The following NCOA2 variants were observed in gnomAD, a reference collection of about 807,000 sequenced individuals.
NCOA2 encodes nuclear receptor coactivator 2.
NCOA2 carries 21 observed loss-of-function variants against 145.1 expected under a neutral mutation model. The ratio of observed to expected loss-of-function variants is 0.14; its 90% CI spans 0.10 to 0.21. The LOEUF (loss-of-function observed/expected upper bound fraction) is 0.21, where lower values mean the gene tolerates loss of function less well. Ranked by LOEUF, NCOA2 falls within the 10% of genes least tolerant of loss-of-function variation. The pLI, the probability that NCOA2 is intolerant of heterozygous loss-of-function variation, is 1.00. For synonymous variants in NCOA2, 619 were observed against 637.5 expected (o/e 0.97, Z 0.44); for missense variants, 1,472 against 1,837.6 (o/e 0.80, Z 3.64).
chr8:70,124,521 C>G (rs1413647096), intron 20 of NCOA2, among the ~76,000 whole-genome samples, 167 bp downstream of exon 20: 1 of 152,118 alleles, frequency 6.6e-6, no homozygotes, highest in Non-Finnish European at 1.5e-5. Context: ...GTACCACCGA[C>G]CAATTTATGA....
intron 1 of NCOA2, among the ~76,000 whole-genome samples, chr8:70,316,711 G>A (rs974843257): frequency 3.9e-5 from 6 of 152,184 alleles, no homozygotes; most frequent in Admixed American, 1.3e-4. Flanking sequence ...TCCTGAGCCA[G>A]TGTAATAAGG....
At position 70,113,506 on chromosome 8, in the gene NCOA2, T is replaced by C. The variant is rs1278161151; in HGVS notation, c.*126A>G. On this transcript the variant is annotated 3_prime_UTR_variant, in exon 23 of 23. Transcript: ENST00000452400. ...CCACCCTGGGAACCAGGGCCAGGCCTGTCTGCTCTAGCAGAACCGGCTGGC... is the reference window on the plus strand; with the variant it reads ...CCACCCTGGGAACCAGGGCCAGGCCCGTCTGCTCTAGCAGAACCGGCTGGC... The C allele has an allele frequency of 1.2e-5, 13 of 1,102,418 alleles. No individual in the cohort carries two copies. The East Asian group carries it at 3.4e-4, about 29-fold the overall frequency. 68.3% of individuals were successfully genotyped at this position (1,102,418 alleles called of 1,614,324 possible). A position where few individuals can be genotyped will look rare whatever the true frequency, so the allele number is the denominator to read the frequency against.
intron 1 of NCOA2, among the ~76,000 whole-genome samples, chr8:70,335,233 GC>G (rs764714222): frequency 1.4e-5 from 2 of 142,624 alleles, no homozygotes; most frequent in South Asian, 2.4e-4. Context: ...TGCTCACACT[GC>G]CCCCCATACT....
At chr8:70,245,339 C>T (rs1262395450) in intron 2 of NCOA2, 3 of 152,050 alleles carry the variant, frequency 2.0e-5, no homozygotes, top group African/African-American at 7.2e-5. Flanking sequence ...GTGGAACACT[C>T]GAAAATTCTT....
At chr8:70,263,153 C>T (rs1216136320) in intron 2 of NCOA2, among the ~76,000 whole-genome samples, 1 of 147,466 alleles carries the variant, frequency 6.8e-6, no homozygotes. Context: ...GTCACTGGAA[C>T]ACTAGCACTG....
intron 1 of NCOA2, among the ~76,000 whole-genome samples, chr8:70,390,738 A>G (rs1229327016): frequency 6.6e-6 from 1 of 152,194 alleles, no homozygotes; most frequent in African/African-American, 2.4e-5. Context: ...ACTGTACCCC[A>G]GCCTGGGCTA....
intron 1 of NCOA2, among the ~76,000 whole-genome samples, chr8:70,306,369 T>A (rs1422746573): frequency 6.6e-6 from 1 of 152,196 alleles, no homozygotes; most frequent in African/African-American, 2.4e-5. Flanking sequence ...CAATTGCTAT[T>A]CAACCTCCAC....
intron 2 of NCOA2, among the ~76,000 whole-genome samples, chr8:70,263,081 A>G (rs1399821416): frequency 1.3e-5 from 2 of 150,958 alleles, no homozygotes; most frequent in African/African-American, 4.9e-5. Context: ...TTCTCTTCAG[A>G]GTATCCAAAT....
intron 1 of NCOA2, among the ~76,000 whole-genome samples, chr8:70,364,618 G>A (rs1215919122): frequency 1.3e-5 from 2 of 151,866 alleles, no homozygotes; most frequent in Admixed American, 1.3e-4. Context: ...GAATTCTTAA[G>A]CTAGCATGCT....
chr8:70,298,025 TA>T (rs1471608065), intron 1 of NCOA2, among the ~76,000 whole-genome samples: 1 of 152,198 alleles, frequency 6.6e-6, no homozygotes, highest in East Asian at 1.9e-4. Flanking sequence ...TAAAAAACAT[TA>T]AACACTACTA....
At chr8:70,208,037 G>A (rs1818642714) in intron 4 of NCOA2, among the ~76,000 whole-genome samples, 1 of 151,888 alleles carries the variant, frequency 6.6e-6, no homozygotes, top group South Asian at 2.1e-4. Flanking sequence ...GATCTCTTGA[G>A]CTTAAGAGTT....
chr8:70,271,063 T>C (rs1586320934), intron 2 of NCOA2, among the ~76,000 whole-genome samples: 1 of 152,196 alleles, frequency 6.6e-6, no homozygotes, highest in South Asian at 2.1e-4. Context: ...TAATATGCAA[T>C]AGAGGGGAAG....
At chr8:70,408,667 G>A (rs1041325398), upstream of NCOA2, among the ~76,000 whole-genome samples, 1 of 151,786 alleles carries the variant, frequency 6.6e-6, no homozygotes, top group Non-Finnish European at 1.5e-5. Flanking sequence ...TGTGTGACAT[G>A]ACCTTACTCT....
chr8:70,383,555 G>C (rs1812400909), intron 1 of NCOA2, among the ~76,000 whole-genome samples: 1 of 152,104 alleles, frequency 6.6e-6, no homozygotes, highest in South Asian at 2.1e-4. Context: ...GCCCAGGCTG[G>C]AGTGCAATGG....
chr8:70,141,240 C>G lies in NCOA2; in HGVS notation c.2972G>C (p.Arg991Thr). The G allele has an allele frequency of 6.2e-7, 1 of 1,613,874 alleles. No homozygotes were observed. The highest frequency in any genetic ancestry group is 8.5e-7 in the Non-Finnish European group (1 of 1,179,862). Residue 991 changes from arginine to threonine, a missense_variant, in exon 14 of 23, where the codon AGG becomes ACG. By Grantham distance (71) the Arg-to-Thr change is moderately conservative (BLOSUM62 -1). Around this residue, in one of 4 missense-constraint regions of NCOA2, gnomAD observed 953 missense variants for 1,062.1 expected, o/e 0.90. Transcript: ENST00000452400. ...TCTTTGGCCAGGCTGGCTGCTGGGC[C>G]TCATGGGGATGCTGGCTGCTGGGTT... ...IRNPAASIPM[R>T]PSSQPGQRQT...
chr8:70,240,397 C>A (rs574157347), intron 2 of NCOA2, among the ~76,000 whole-genome samples: 143 of 152,222 alleles, frequency 9.4e-4, no homozygotes, highest in African/African-American at 3.1e-3. Flanking sequence ...AAACACTTGG[C>A]CCATTGTAGG....
intron 11 of NCOA2, 114 bp downstream of exon 11, chr8:70,155,856 AC>A (rs1353112495): frequency 1.2e-6 from 1 of 816,396 alleles, no homozygotes; most frequent in Non-Finnish European, 1.8e-6. Flanking sequence ...GATAAGAACA[AC>A]AAAGGAGAAA....
intron 1 of NCOA2, among the ~76,000 whole-genome samples, chr8:70,371,393 A>G (rs1486416913): frequency 6.6e-6 from 1 of 152,180 alleles, no homozygotes; most frequent in African/African-American, 2.4e-5. Flanking sequence ...TTCTACCACA[A>G]TAAAAAAATA....
intron 2 of NCOA2, among the ~76,000 whole-genome samples, chr8:70,260,041 C>G (rs113455945): frequency 6.6e-6 from 1 of 152,160 alleles, no homozygotes. Context: ...TGGTCAACAC[C>G]ACTACCAGGA....
Sources: gnomAD v4.1 joint callset for allele counts (sites outside exome capture counted in the v4.1 genomes callset) on GRCh38, gnomAD v4.1.1 for gene constraint, gnomAD v4.1.1 regional missense constraint, MANE v1.5 for transcripts, NCBI Gene and HGNC (gene_info 2026-07-23, HGNC 2026-07-21) for gene names.